The following GARIN5B variants were observed in gnomAD, a reference collection of about 807,000 sequenced individuals.
GARIN5B encodes the protein Golgi-associated RAB2 interactor protein 5B.
At chr19:55,360,656 T>TCTGGGGC in the GARIN5B span, 1 of 1,529,642 alleles carries the variant, frequency 6.5e-7, no homozygotes, top group Admixed American at 2.0e-5. Context: ...CTCCCTCAGC[T>TCTGGGGC]CTGGGGCCTG....
the GARIN5B span, chr19:55,361,286 C>G: frequency 1.7e-3 from 2,663 of 1,545,934 alleles, 5 homozygotes; most frequent in Admixed American, 3.4e-3. Flanking sequence ...GGGGAGGGCA[C>G]GAGGACCTAC....
At chr19:55,358,748 G>A in the GARIN5B span, 1 of 1,549,598 alleles carries the variant, frequency 6.5e-7, no homozygotes. Flanking sequence ...CTGCTCTTTG[G>A]AGTTGGCCGT....
At chr19:55,361,302 G>A in the GARIN5B span, 3 of 1,542,714 alleles carry the variant, frequency 1.9e-6, no homozygotes, top group South Asian at 2.4e-5. Flanking sequence ...CCTACCCCAG[G>A]AGCTTGTGGA....
the GARIN5B span, chr19:55,360,858 A>G: frequency 6.5e-7 from 1 of 1,548,426 alleles, no homozygotes; most frequent in Non-Finnish European, 8.7e-7. Context: ...CTTACCAGGC[A>G]AGCGGATTTG....
the GARIN5B span, chr19:55,362,973 T>C: frequency 6.7e-7 from 1 of 1,489,642 alleles, no homozygotes; most frequent in Non-Finnish European, 8.9e-7. Context: ...TACTCGCCCT[T>C]CTGGAGGGTC....
At chr19:55,362,149 G>T in the GARIN5B span, 2 of 1,420,606 alleles carry the variant, frequency 1.4e-6, no homozygotes, top group Non-Finnish European at 1.8e-6. Flanking sequence ...CAGGCCCCCG[G>T]CCTAGACTTT....
At chr19:55,358,154 A>C in the GARIN5B span, 1 of 1,481,784 alleles carries the variant, frequency 6.7e-7, no homozygotes, top group Non-Finnish European at 9.0e-7. Flanking sequence ...CCTGGGCAGA[A>C]GGTTCAAGAC....
the GARIN5B span, among the ~76,000 whole-genome samples, chr19:55,355,976 A>G: frequency 6.6e-6 from 1 of 151,422 alleles, no homozygotes; most frequent in Admixed American, 6.6e-5. Context: ...AACATGTGAG[A>G]CCTCTTTTCT....
the GARIN5B span, chr19:55,355,279 C>G: frequency 1.3e-6 from 2 of 1,545,036 alleles, no homozygotes; most frequent in East Asian, 4.9e-5. Context: ...CTGGGCTCCT[C>G]TGGACAGTTT....
the GARIN5B span, among the ~76,000 whole-genome samples, chr19:55,356,377 C>T: frequency 6.9e-6 from 1 of 145,606 alleles, no homozygotes; most frequent in South Asian, 2.2e-4. Flanking sequence ...GCCTAGTTAA[C>T]TTTTTTTTTT....
chr19:55,356,846 T>G, the GARIN5B span, among the ~76,000 whole-genome samples: 1 of 151,546 alleles, frequency 6.6e-6, no homozygotes, highest in Non-Finnish European at 1.5e-5. Flanking sequence ...AGGTCAGGAG[T>G]TCGAGACCAG....
chr19:55,358,924 C>A, the GARIN5B span: 62 of 1,550,972 alleles, frequency 4.0e-5, no homozygotes, highest in African/African-American at 7.1e-4. Context: ...CAAGCTTCGC[C>A]CAGTGGGCCC....
At chr19:55,362,287 A>G in the GARIN5B span, 4 of 1,548,368 alleles carry the variant, frequency 2.6e-6, no homozygotes, top group African/African-American at 4.1e-5. Flanking sequence ...CCAGCGGCAT[A>G]TCCAGGGGGG....
the GARIN5B span, chr19:55,359,265 G>A: frequency 1.3e-6 from 2 of 1,551,148 alleles, no homozygotes; most frequent in Non-Finnish European, 1.7e-6. Context: ...TTCTGGGATG[G>A]GGCAGGGAGG....
the GARIN5B span, chr19:55,361,281 G>T: frequency 6.5e-7 from 1 of 1,547,890 alleles, no homozygotes; most frequent in South Asian, 1.2e-5. Context: ...CCCCAGGGGA[G>T]GGCACGAGGA....
chr19:55,359,854 G>T, the GARIN5B span: 1 of 1,551,518 alleles, frequency 6.4e-7, no homozygotes, highest in Non-Finnish European at 8.7e-7. Flanking sequence ...GATGCCACAG[G>T]CACGGGTCCA....
the GARIN5B span, chr19:55,362,389 G>A: frequency 1.4e-4 from 212 of 1,550,552 alleles, no homozygotes; most frequent in East Asian, 3.0e-3. Context: ...AGCCCACCTC[G>A]TTGTCAGGGG....
chr19:55,360,836 G>C, the GARIN5B span: 2 of 1,549,952 alleles, frequency 1.3e-6, no homozygotes, highest in Non-Finnish European at 1.7e-6. Context: ...GCAAGGGGTG[G>C]GGTGGGTTGA....
the GARIN5B span, chr19:55,360,590 G>T: frequency 7.3e-7 from 1 of 1,376,178 alleles, no homozygotes; most frequent in Non-Finnish European, 9.8e-7. Flanking sequence ...AGACCCAGGA[G>T]TCCAGGTCCC....
Sources: gnomAD v4.1 joint callset for allele counts (sites outside exome capture counted in the v4.1 genomes callset) on GRCh38, gnomAD v4.1.1 for gene constraint, MANE v1.5 for transcripts, NCBI Gene and HGNC (gene_info 2026-07-23, HGNC 2026-07-21) for gene names.